STK3: variants seen among roughly 807,000 people sequenced by gnomAD.
STK3 encodes the protein serine/threonine-protein kinase 3.
Under a neutral mutation model 58.0 loss-of-function variants are expected in STK3, and 41 were observed. The ratio of observed to expected loss-of-function variants is 0.71; its 90% confidence interval spans 0.55 to 0.92. The LOEUF (loss-of-function observed/expected upper bound fraction) is 0.92. Among genes scored for constraint, STK3 ranks in the 40% least tolerant of loss-of-function variants. STK3 has a pLI of 0.00. For synonymous variants in STK3, 170 were observed against 191.0 expected (o/e 0.89, Z 0.91); for missense variants, 479 against 602.7 (o/e 0.79, Z 2.15).
chr8:98,500,342 G>A (rs565134180), intron 10 of STK3, among the ~76,000 whole-genome samples: 1 of 152,208 alleles, frequency 6.6e-6, no homozygotes, highest in African/African-American at 2.4e-5. Flanking sequence ...GACCAGCCTG[G>A]CCAACTTGGT....
intron 1 of STK3, among the ~76,000 whole-genome samples, chr8:98,444,344 C>T (rs1177600013): frequency 6.6e-6 from 1 of 152,136 alleles, no homozygotes; most frequent in African/African-American, 2.4e-5. Flanking sequence ...GGGCCCTGGT[C>T]AGAGAGGCTT....
chr8:98,786,877 C>T (rs1233755431), intron 1 of STK3, among the ~76,000 whole-genome samples: 1 of 152,006 alleles, frequency 6.6e-6, no homozygotes, highest in Non-Finnish European at 1.5e-5. Flanking sequence ...ACTCACCAGG[C>T]CGTCCAAGGT....
At chr8:98,568,479 TA>T (rs1274957079) in intron 8 of STK3, among the ~76,000 whole-genome samples, 1 of 152,178 alleles carries the variant, frequency 6.6e-6, no homozygotes, top group Non-Finnish European at 1.5e-5. Flanking sequence ...TAACATCTTT[TA>T]CAGCAAAATT....
At chr8:98,695,404 G>C (rs1011018301) in intron 6 of STK3, among the ~76,000 whole-genome samples, 7 of 152,104 alleles carry the variant, frequency 4.6e-5, no homozygotes, top group African/African-American at 1.7e-4. Context: ...TGGTGTTTTA[G>C]ACATGAAGTC....
At chr8:98,845,083 G>A (rs1836153919) in intron 3 of STK3, among the ~76,000 whole-genome samples, 1 of 152,096 alleles carries the variant, frequency 6.6e-6, no homozygotes, top group South Asian at 2.1e-4. Context: ...CTATTCTATA[G>A]TTTTTGCCTC....
chr8:98,643,911 T>C (rs1685908949), intron 6 of STK3, among the ~76,000 whole-genome samples: 1 of 152,064 alleles, frequency 6.6e-6, no homozygotes. Context: ...CAGGTCAATG[T>C]GGGCTGAAGT....
downstream of STK3, among the ~76,000 whole-genome samples, chr8:98,366,625 T>C (rs1421024374): frequency 6.6e-6 from 1 of 152,236 alleles, no homozygotes; most frequent in Non-Finnish European, 1.5e-5. Flanking sequence ...TTATAACGCC[T>C]CCTTTATCAT....
chr8:98,557,949 A>G (rs1406813215), intron 8 of STK3, among the ~76,000 whole-genome samples: 2 of 152,118 alleles, frequency 1.3e-5, no homozygotes, highest in Non-Finnish European at 2.9e-5. Flanking sequence ...CAGAGGCTCC[A>G]TGATGCAAGA....
chr8:98,750,644 T>A (rs1267812847), intron 3 of STK3, among the ~76,000 whole-genome samples: 3 of 149,432 alleles, frequency 2.0e-5, no homozygotes, highest in Non-Finnish European at 4.4e-5. Flanking sequence ...CAGGACCAGA[T>A]GGACTTAGGG....
chr8:98,765,739 G>C (rs910606934), intron 3 of STK3, among the ~76,000 whole-genome samples: 2 of 152,386 alleles, frequency 1.3e-5, no homozygotes, highest in Non-Finnish European at 2.9e-5. Context: ...AAGAAAAGAA[G>C]ACTGAGACAT....
chr8:98,887,028 CG>C (rs746841838), intron 1 of STK3, among the ~76,000 whole-genome samples: 8 of 151,954 alleles, frequency 5.3e-5, no homozygotes, highest in Non-Finnish European at 1.0e-4. Context: ...AACCAGGAGG[CG>C]GAGTTTGCAG....
chr8:98,642,553 T>C (rs1410555526), intron 6 of STK3, among the ~76,000 whole-genome samples: 1 of 152,122 alleles, frequency 6.6e-6, no homozygotes, highest in Non-Finnish European at 1.5e-5. Flanking sequence ...TTGCCCAAGG[T>C]TGTACACCAT....
At chr8:98,753,346 T>C (rs1047705421) in intron 3 of STK3, among the ~76,000 whole-genome samples, 3 of 152,212 alleles carry the variant, frequency 2.0e-5, no homozygotes, top group South Asian at 2.1e-4. Flanking sequence ...CTGGAGGCTA[T>C]TGTCCTTAGC....
At chr8:98,864,322 T>C (rs1352628430) in intron 3 of STK3, among the ~76,000 whole-genome samples, 1 of 151,646 alleles carries the variant, frequency 6.6e-6, no homozygotes, top group Non-Finnish European at 1.5e-5. Flanking sequence ...AGCAATCAAC[T>C]TGTAAACCTG....
At chr8:98,896,872 G>C (rs939525241) in intron 1 of STK3, among the ~76,000 whole-genome samples, 1 of 152,068 alleles carries the variant, frequency 6.6e-6, no homozygotes, top group African/African-American at 2.4e-5. Context: ...CTAGCTACTC[G>C]GGAGGCTGAG....
At chr8:98,589,956 C>T (rs1412544823) in intron 7 of STK3, among the ~76,000 whole-genome samples, 2 of 152,194 alleles carry the variant, frequency 1.3e-5, no homozygotes, top group African/African-American at 4.8e-5. Flanking sequence ...CCTGCTTCGG[C>T]TCGCACACGG....
chr8:98,586,801 C>G (rs1376496969), intron 7 of STK3, among the ~76,000 whole-genome samples: 1 of 151,936 alleles, frequency 6.6e-6, no homozygotes, highest in Non-Finnish European at 1.5e-5. Context: ...TTCAGAGATT[C>G]AACTTCTTCC....
chr8:98,573,218 A>C (rs1813106057), intron 8 of STK3, among the ~76,000 whole-genome samples: 1 of 152,192 alleles, frequency 6.6e-6, no homozygotes, highest in Non-Finnish European at 1.5e-5. Flanking sequence ...GGTGGCAGAA[A>C]ATTTAGAAAC....
chr8:98,826,110 C>A (rs1425722702), upstream of STK3, among the ~76,000 whole-genome samples: 1 of 152,188 alleles, frequency 6.6e-6, no homozygotes, highest in Non-Finnish European at 1.5e-5. Flanking sequence ...TGGGGAAGGG[C>A]AAGTCCCTCT....
Sources: allele counts gnomAD v4.1 joint callset (sites outside exome capture counted in the v4.1 genomes callset), GRCh38; gene constraint gnomAD v4.1.1; transcripts MANE v1.5; gene names NCBI Gene and HGNC (gene_info 2026-07-23, HGNC 2026-07-21).